The following PELI2 variants were observed in gnomAD, a reference collection of about 807,000 sequenced individuals.
PELI2 encodes the protein pellino E3 ubiquitin protein ligase family member 2, also known as E3 ubiquitin-protein ligase pellino homolog 2.
In PELI2, 23 loss-of-function variants were observed where a neutral mutation model predicts 42.3. The observed-to-expected ratio is 0.54, with a 90% CI of 0.39 to 0.77. The LOEUF (loss-of-function observed/expected upper bound fraction) is 0.77. Ranked by LOEUF, PELI2 falls within the 30% of genes least tolerant of loss-of-function variation. PELI2 has a pLI of 0.00. For missense variants in PELI2, 463 were observed against 553.2 expected, an observed-to-expected ratio of 0.84 and a Z score of 1.64; for synonymous variants, 245 against 212.2, an observed-to-expected ratio of 1.15 and a Z score of -1.34.
At position 56,299,099 on chromosome 14, in the gene PELI2, C is replaced by A. The variant is rs908122163; in HGVS notation, c.*1933C>A. 6.6e-6 allele frequency: 1 copy of A among 152,186 alleles called. No homozygotes were observed. The highest frequency in any genetic ancestry group is 6.5e-5 in the Admixed American group (1 of 15,270). 9.4% of individuals were successfully genotyped at this position (152,186 alleles called of 1,614,324 possible). ...GAATGACAAAGGAGGCACTCGTTCTCTTTTCTTGCTGTATGCCTAGAAAGT... is the reference window on the plus strand; with the variant it reads ...GAATGACAAAGGAGGCACTCGTTCTATTTTCTTGCTGTATGCCTAGAAAGT... On this transcript the variant is annotated 3_prime_UTR_variant, in exon 6 of 6. Coordinates refer to ENST00000267460, the MANE Select transcript of PELI2 (RefSeq NM_021255.3).
At chr14:56,126,163 G>A (rs558520098) in intron 1 of PELI2, among the ~76,000 whole-genome samples, 12 of 152,316 alleles carry the variant, frequency 7.9e-5, no homozygotes, top group Non-Finnish European at 1.2e-4. Flanking sequence ...GCCTTGAAGG[G>A]AAGCAGGCCA....
chr14:56,207,213 G>C (rs1334466099), intron 2 of PELI2, among the ~76,000 whole-genome samples: 1 of 151,778 alleles, frequency 6.6e-6, no homozygotes, highest in Non-Finnish European at 1.5e-5. Context: ...AGCTGGGAGA[G>C]AAAAAAAATA....
At chr14:56,272,366 C>A (rs1413963343) in intron 2 of PELI2, among the ~76,000 whole-genome samples, 1 of 152,216 alleles carries the variant, frequency 6.6e-6, no homozygotes, top group Non-Finnish European at 1.5e-5. Flanking sequence ...CATGCATACA[C>A]ACACGCATGC....
chr14:56,251,722 GA>G (rs1888350991), intron 2 of PELI2, among the ~76,000 whole-genome samples: 1 of 152,164 alleles, frequency 6.6e-6, no homozygotes, highest in African/African-American at 2.4e-5. Context: ...ACTACTCTTG[GA>G]AAGAGGCTGC....
intron 1 of PELI2, among the ~76,000 whole-genome samples, chr14:56,176,051 C>G (rs1436623554): frequency 6.6e-6 from 1 of 152,236 alleles, no homozygotes. Flanking sequence ...TTTTCCAAAA[C>G]TAGAATGTTA....
chr14:56,259,597 T>C (rs1045934990), intron 2 of PELI2, among the ~76,000 whole-genome samples: 1 of 152,140 alleles, frequency 6.6e-6, no homozygotes, highest in African/African-American at 2.4e-5. Flanking sequence ...TAAACGTTCA[T>C]TATAAAATCT....
At chr14:56,178,272 A>G in intron 1 of PELI2, 63 bp from the exon 2 acceptor site, 5 of 1,566,016 alleles carry the variant, frequency 3.2e-6, no homozygotes, top group Non-Finnish European at 3.5e-6. Flanking sequence ...CAATACCTCT[A>G]ACTTTTATGT....
intron 1 of PELI2, among the ~76,000 whole-genome samples, chr14:56,174,908 C>T (rs1594610305): frequency 1.3e-5 from 2 of 152,214 alleles, no homozygotes; most frequent in South Asian, 2.1e-4. Context: ...GAACTTCATA[C>T]TCTCCACAGT....
intron 2 of PELI2, among the ~76,000 whole-genome samples, chr14:56,182,530 C>T (rs1885624127): frequency 1.3e-5 from 2 of 152,266 alleles, no homozygotes; most frequent in South Asian, 4.1e-4. Flanking sequence ...TTTCCCTTCT[C>T]AGATTATGCT....
At chr14:56,181,575 T>G (rs575228861) in intron 2 of PELI2, among the ~76,000 whole-genome samples, 1 of 152,222 alleles carries the variant, frequency 6.6e-6, no homozygotes, top group African/African-American at 2.4e-5. Context: ...CTCTTTGCCT[T>G]TTGGCTGTCT....
chr14:56,247,934 A>T (rs1020059940), intron 2 of PELI2, among the ~76,000 whole-genome samples: 3 of 152,212 alleles, frequency 2.0e-5, no homozygotes, highest in Non-Finnish European at 2.9e-5. Context: ...TAAACGACAG[A>T]TGTCTATACT....
rs1440554812 is a variant in PELI2, at chr14:56,297,040, A to G, written c.1137A>G (p.Lys379=). The G allele has an allele frequency of 6.2e-7, 1 of 1,613,782 alleles. No individual in the cohort carries two copies. Among genetic ancestry groups the G allele is most frequent in the Admixed American group, 1.7e-5 (1 of 60,004 alleles). ...CGHVCSEKSA[K]YWSQIPLPHG... ...ACGTGTGCTCGGAGAAGTCTGCAAA[A>G]TACTGGTCTCAGATCCCGTTGCCTC... Residue 379 remains lysine (K), a synonymous_variant, in exon 6 of 6, where the codon AAA becomes AAG. Transcript: ENST00000267460.
At chr14:56,148,788 G>A (rs891944030) in intron 1 of PELI2, among the ~76,000 whole-genome samples, 6 of 152,190 alleles carry the variant, frequency 3.9e-5, no homozygotes, top group Non-Finnish European at 5.9e-5. Context: ...TGGTAGCAGG[G>A]ACTTTTCTTA....
intron 1 of PELI2, among the ~76,000 whole-genome samples, chr14:56,141,488 A>G (rs1038496592): frequency 1.3e-5 from 2 of 152,220 alleles, no homozygotes; most frequent in Admixed American, 6.5e-5. Flanking sequence ...AACTTATTTC[A>G]TAGACCAGGT....
chr14:56,158,467 G>A (rs1314288769), intron 1 of PELI2, among the ~76,000 whole-genome samples: 2 of 151,924 alleles, frequency 1.3e-5, no homozygotes, highest in African/African-American at 2.4e-5. Flanking sequence ...TCAGCCTCCC[G>A]AGTAACTGGG....
rs148017472 is a variant in PELI2, at chr14:56,222,778, G to A, written c.207+44314G>A. On this transcript the variant is annotated intron_variant, in intron 2 of 5. Coordinates refer to ENST00000267460, the MANE Select transcript of PELI2 (RefSeq NM_021255.3). The stretch of plus-strand genomic sequence containing the variant: ...ATTCTCTGACGCTAGGCTGTGTGGC[G>A]CAGGGAGCTGAGTGCAGGGTAGATT... Among the ~76,000 whole-genome samples the A allele has an allele frequency of 5.9e-5, 9 of 152,284 alleles. No homozygotes were observed. The East Asian group carries it at 7.7e-4, about 13-fold the overall frequency.
chr14:56,203,224 C>T (rs1886398948), intron 2 of PELI2, among the ~76,000 whole-genome samples: 1 of 152,088 alleles, frequency 6.6e-6, no homozygotes. Flanking sequence ...CCAGTAATCC[C>T]AGCTACTCGG....
At chr14:56,194,005 T>TG (rs1014867944) in intron 2 of PELI2, among the ~76,000 whole-genome samples, 37 of 152,286 alleles carry the variant, frequency 2.4e-4, no homozygotes, top group South Asian at 6.2e-4. Flanking sequence ...TTTTCATTGT[T>TG]GGGGGGTCTT....
intron 1 of PELI2, among the ~76,000 whole-genome samples, chr14:56,130,300 A>C (rs769294855): frequency 5.3e-5 from 8 of 152,210 alleles, no homozygotes; most frequent in Non-Finnish European, 1.0e-4. Context: ...CATTTTATGC[A>C]TGAAACTGAG....
Sources: allele counts gnomAD v4.1 joint callset (sites outside exome capture counted in the v4.1 genomes callset), GRCh38; gene constraint gnomAD v4.1.1; transcripts MANE v1.5; gene names NCBI Gene and HGNC (gene_info 2026-07-23, HGNC 2026-07-21).